Variants in MTOR observed in about 807,000 individuals in gnomAD.
The protein encoded by MTOR is serine/threonine-protein kinase mTOR.
A neutral mutation model predicts 319.8 loss-of-function variants in MTOR; 70 were observed. The ratio of observed to expected loss-of-function variants is 0.22; its 90% confidence interval spans 0.18 to 0.27. The LOEUF is 0.27. Among genes scored for constraint, MTOR ranks in the 10% least tolerant of loss-of-function variants. MTOR has a pLI of 1.00. For missense variants in MTOR, 1,890 were observed against 3,274.4 expected, an observed-to-expected ratio of 0.58 and a Z score of 10.32; for synonymous variants, 1,183 against 1,211.4, an observed-to-expected ratio of 0.98 and a Z score of 0.49.
At chr1:11,181,474 G>A (rs1225645582) in intron 28 of MTOR, among the ~76,000 whole-genome samples, 1 of 152,100 alleles carries the variant, frequency 6.6e-6, no homozygotes, top group African/African-American at 2.4e-5. Flanking sequence ...GCACTGAGCT[G>A]AGACCCCACC....
chr1:11,126,976 A>G (rs1642869187), intron 45 of MTOR, 34 bp downstream of exon 45: 6 of 1,612,126 alleles, frequency 3.7e-6, no homozygotes, highest in Non-Finnish European at 5.1e-6. Flanking sequence ...GACTATAATG[A>G]CAGTTAACCC....
chr1:11,116,922 T>C (rs1405591689), intron 50 of MTOR, 82 bp downstream of exon 50: 1 of 1,064,596 alleles, frequency 9.4e-7, no homozygotes, highest in Non-Finnish European at 1.4e-6. Context: ...AAGCCATATA[T>C]TTAATTGGAA....
At position 11,115,906 on chromosome 1, in the gene MTOR, A is replaced by G. The variant is rs1421711793; in HGVS notation, c.7017-438T>C. On this transcript the variant is annotated intron_variant, in intron 50 of 57. Transcript: ENST00000361445. This position sits in a 1 kb window ranked among gnomAD's most constrained non-coding sequence, Gnocchi z 4.5. ...TGGCACCTTCTGGTGACAAGGCTCT[A>G]TCATTTTTACTGAGCAGCCGTAACA... Among the ~76,000 whole-genome samples the G allele has an allele frequency of 6.6e-6, 1 of 152,216 alleles. No individual in the cohort carries two copies. Among genetic ancestry groups the G allele is most frequent in the Non-Finnish European group, 1.5e-5 (1 of 68,046 alleles).
chr1:11,108,756 C>T lies in MTOR; in HGVS notation c.7529-470G>A, dbSNP rs1038909531. 6.0e-5 allele frequency among the ~76,000 whole-genome samples: 9 copies of T among 150,660 alleles called. No individual in the cohort carries two copies. In the East Asian group the frequency reaches 9.8e-4, roughly 16 times the overall value. ...GAAAAGAAAAAAAGAAAAATTCGGC[C>T]GGGTGCGGTGGGTGAATCACTTGAG... is the stretch of plus-strand genomic sequence containing the variant. On this transcript the variant is annotated intron_variant, in intron 56 of 57. Transcript: ENST00000361445.
At chr1:11,157,360 A>G (rs1449600648) in intron 29 of MTOR, 69 bp from the exon 30 acceptor site, 2 of 1,539,234 alleles carry the variant, frequency 1.3e-6, no homozygotes, top group Non-Finnish European at 8.8e-7. Flanking sequence ...TAATCCACAT[A>G]CTCTCTTTCC....
chr1:11,219,753 G>T (rs866093164), intron 19 of MTOR, among the ~76,000 whole-genome samples: 1 of 152,144 alleles, frequency 6.6e-6, no homozygotes, highest in African/African-American at 2.4e-5. Context: ...GCTGGGCACG[G>T]TGGCTCATGC....
In MTOR at chr1:11,194,344, T is replaced by G. The variant is rs188299532; in HGVS notation, c.4253+4914A>C. ...AGGTAAACAAGTAATAAAGTCTTAT[T>G]AGATTCACACCTATAAAAAGATGTT... On this transcript the variant is annotated intron_variant, in intron 28 of 57. Coordinates refer to ENST00000361445, the MANE Select transcript of MTOR (RefSeq NM_004958.4). 8.6e-4 allele frequency: 816 copies of G among 947,946 alleles called. 8 individuals are homozygous for G. The African/African-American group carries it at 0.012, about 14-fold the overall frequency. 58.7% of individuals were successfully genotyped at this position (947,946 alleles called of 1,614,324 possible).
chr1:11,196,088 C>G (rs1645773329), intron 28 of MTOR: 1 of 152,130 alleles, frequency 6.6e-6, no homozygotes, highest in South Asian at 2.1e-4. Context: ...TTTTGGTGTT[C>G]AGGGCAACCA....
At chr1:11,238,293 A>G in intron 12 of MTOR, 109 bp downstream of exon 12, 2 of 1,203,422 alleles carry the variant, frequency 1.7e-6, no homozygotes, top group Non-Finnish European at 2.4e-6. Flanking sequence ...GCTGAATATC[A>G]GCTTTTTGAG....
chr1:11,149,846 C>T (rs1644076554), intron 31 of MTOR, among the ~76,000 whole-genome samples: 1 of 152,150 alleles, frequency 6.6e-6, no homozygotes, highest in Non-Finnish European at 1.5e-5. Context: ...TGTGAGTGTG[C>T]TAAGTGTGTA....
chr1:11,259,303 G>C lies in MTOR; in HGVS notation c.107C>G (p.Thr36Ser), dbSNP rs1274453053. The change falls in exon 2 of 58, where the codon ACC (threonine) becomes AGC (serine). Residue 36 changes from threonine (T) to serine (S), a missense_variant. By Grantham distance (58) the Thr-to-Ser change is moderately conservative. This residue lies in a region of MTOR where 85 missense variants were observed against 105.8 expected (regional missense o/e 0.80). Coordinates refer to ENST00000361445, the MANE Select transcript of MTOR (RefSeq NM_004958.4). ...GAGCTCCTTGGCGGCTTTGGCCCTG[G>C]TTTCCTCATTCCGGCTCTTTAGGCC... ...ASGLKSRNEE[T>S]RAKAAKELQH... 1.2e-6 allele frequency: 2 copies of C among 1,613,920 alleles called. No individual in the cohort carries two copies. The highest frequency in any genetic ancestry group is 1.7e-6 in the Non-Finnish European group (2 of 1,179,906).
At chr1:11,162,104 T>C (rs990504094) in intron 29 of MTOR, among the ~76,000 whole-genome samples, 1 of 152,102 alleles carries the variant, frequency 6.6e-6, no homozygotes, top group Non-Finnish European at 1.5e-5. Flanking sequence ...CTGATGGAGA[T>C]GAAAACCATG....
At chr1:11,258,424 C>T (rs1183799999) in intron 3 of MTOR, 61 bp downstream of exon 3, 6 of 1,143,906 alleles carry the variant, frequency 5.2e-6, no homozygotes, top group Non-Finnish European at 7.7e-6. Context: ...GTGGCAGACA[C>T]AGGGTGCAGT....
At chr1:11,204,776 A>C (rs1200065366) in intron 25 of MTOR, 73 bp from the exon 26 acceptor site, 22 of 1,469,632 alleles carry the variant, frequency 1.5e-5, no homozygotes. Context: ...CATCTATTTA[A>C]TGATTATTCT....
chr1:11,191,131 A>G (rs1208610404), intron 28 of MTOR, among the ~76,000 whole-genome samples: 4 of 152,124 alleles, frequency 2.6e-5, no homozygotes, highest in Non-Finnish European at 4.4e-5. Context: ...TGCTCATCCA[A>G]ACAGGAGGCT....
In MTOR at chr1:11,247,696, T is replaced by C. The variant is rs1649033163; in HGVS notation, c.1154A>G (p.Asn385Ser). The C allele has an allele frequency of 6.2e-7, 1 of 1,613,984 alleles. No homozygotes were observed. The highest frequency in any genetic ancestry group is 1.7e-5 in the Admixed American group (1 of 59,998). The change falls in exon 8 of 58, where the codon AAC becomes AGC. Residue 385 changes from asparagine to serine, a missense_variant. Asn to Ser is a conservative substitution (Grantham distance 46). Transcript: ENST00000361445. ...AAGGATTGTCATTTGGATCAGCGAGTTCTTGCTATTCCTGCATTTCAGCAC... is the reference window on the plus strand; with the variant it reads ...AAGGATTGTCATTTGGATCAGCGAGCTCTTGCTATTCCTGCATTTCAGCAC... ...QWVLKCRNSKNSLIQMTILNL... is the reference protein window; with the variant it reads ...QWVLKCRNSKSSLIQMTILNL...
chr1:11,248,554 G>A (rs914635323), intron 6 of MTOR, among the ~76,000 whole-genome samples: 8 of 152,236 alleles, frequency 5.3e-5, no homozygotes, highest in Admixed American at 4.6e-4. Flanking sequence ...GCTCATGCCT[G>A]TAATTCCGGT....
intron 19 of MTOR, among the ~76,000 whole-genome samples, chr1:11,221,618 G>T (rs767604592): frequency 1.1e-4 from 16 of 151,120 alleles, no homozygotes; most frequent in Non-Finnish European, 1.9e-4. Flanking sequence ...ACCGGGCCAT[G>T]TAAAAAGGAC....
In MTOR at chr1:11,259,389, G is replaced by A. The variant is rs371674142; in HGVS notation, c.21C>T (p.Ala7=). ...ATGTGGTGGCAGCGGTGGTGGCGGC[G>A]GCAGGTCCGGTTCCAAGCATCTTGC... The part of the protein sequence containing the change: MLGTGP[A]AATTAATTSS... The change falls in exon 2 of 58, where the codon GCC becomes GCT. Residue 7 remains alanine (A), a synonymous_variant. Transcript: ENST00000361445. 53 of 1,586,866 alleles carry A rather than the reference G, an allele frequency of 3.3e-5. No individual in the cohort carries two copies. Among genetic ancestry groups the A allele is most frequent in the Non-Finnish European group, 3.9e-5 (46 of 1,169,106 alleles).
Sources: allele counts gnomAD v4.1 joint callset (sites outside exome capture counted in the v4.1 genomes callset), GRCh38; gene constraint gnomAD v4.1.1; regional missense constraint gnomAD v4.1.1; non-coding constraint Gnocchi (gnomAD v3.1); transcripts MANE v1.5; gene names NCBI Gene and HGNC (gene_info 2026-07-23, HGNC 2026-07-21).